GTF2A2: variants seen among roughly 807,000 people sequenced by gnomAD.
GTF2A2 encodes transcription initiation factor IIA subunit 2.
A neutral mutation model predicts 14.3 loss-of-function variants in GTF2A2; 9 were observed. The observed-to-expected ratio is 0.63, with a 90% confidence interval of 0.38 to 1.10. GTF2A2 has a LOEUF of 1.10. Among genes scored for constraint, GTF2A2 ranks in the 50% least tolerant of loss-of-function variants. The probability of loss-of-function intolerance (pLI) is 0.01; values close to 1 mark genes in which losing one functional copy is unlikely to be tolerated. For missense variants in GTF2A2, 90 were observed against 124.6 expected (o/e 0.72, Z 1.32); for synonymous variants, 56 against 46.0 (o/e 1.22, Z -0.88).
At position 59,642,184 on chromosome 15, in the gene GTF2A2, C is replaced by A; in HGVS notation, c.256G>T (p.Glu86Ter). The A allele has an allele frequency of 6.2e-7, 1 of 1,610,424 alleles. No individual in the cohort carries two copies. The highest frequency in any genetic ancestry group is 1.7e-5 in the Admixed American group (1 of 59,552). Reference sequence around the variant, plus strand: ...TTCACTTTATCCACTTTAATAAGTTCTGTCACCTCTCTGAATTCAACATCA... The same window carrying A: ...TTCACTTTATCCACTTTAATAAGTTATGTCACCTCTCTGAATTCAACATCA... ...LNDVEFREVT[E>*]LIKVDKVKIV... The change falls in exon 4 of 5, where the codon GAA becomes TAA. Residue 86 changes from glutamate to a stop codon, truncating the protein, a stop_gained. Coordinates refer to ENST00000396060, the MANE Select transcript of GTF2A2 (RefSeq NM_004492.3). LOFTEE classifies it high-confidence loss of function.
At chr15:59,639,439 T>TC (rs1405298808) in intron 4 of GTF2A2, among the ~76,000 whole-genome samples, 1 of 149,742 alleles carries the variant, frequency 6.7e-6, no homozygotes, top group African/African-American at 2.5e-5. Context: ...TAACCTTTCT[T>TC]CCCCCAGGTC....
intron 4 of GTF2A2, 74 bp from the exon 5 acceptor site, chr15:59,639,231 A>C (rs910576491): frequency 5.8e-6 from 5 of 865,812 alleles, no homozygotes; most frequent in Non-Finnish European, 7.9e-6. Flanking sequence ...CTATTTTAAG[A>C]CTATCAAAAA....
chr15:59,644,392 G>T (rs1891535080), intron 3 of GTF2A2: 1 of 152,166 alleles, frequency 6.6e-6, no homozygotes, highest in Non-Finnish European at 1.5e-5. Context: ...GCAAAAATGG[G>T]ATTCATTCTA....
At position 59,638,470 on chromosome 15, in the gene GTF2A2, A is replaced by G. The variant is rs1891256854; in HGVS notation, c.*662T>C. 2 of 152,138 alleles carry G rather than the reference A, an allele frequency of 1.3e-5. No individual in the cohort carries two copies. The highest frequency in any genetic ancestry group is 2.9e-5 in the Non-Finnish European group (2 of 68,090). 9.4% of individuals were successfully genotyped at this position (152,138 alleles called of 1,614,324 possible). A position where few individuals can be genotyped will look rare whatever the true frequency, so the allele number is the denominator to read the frequency against. ...TAAAATGTATGAACTTTGGATCAAT[A>G]TGGCAAGCTGAAGACACCTGTCATG... On this transcript the variant is annotated 3_prime_UTR_variant, in exon 5 of 5. Transcript: ENST00000396060.
Position 59,638,908 on chromosome 15 carries a change from GGCAACAACTTTTGTCCT to G in GTF2A2, c.*207_*223del. On this transcript the variant is annotated 3_prime_UTR_variant, in exon 5 of 5. Transcript: ENST00000396060. Reference sequence around the variant, plus strand: ...GTTTATTAAAGAAGGTTCTTAGGAAGGCAACAACTTTTGTCCTTAAAAAAAAGTTATGGTTTTTCATG... The same window carrying G: ...GTTTATTAAAGAAGGTTCTTAGGAAGTAAAAAAAAGTTATGGTTTTTCATG... 2.2e-6 allele frequency: 1 copy of G among 456,148 alleles called. No individual in the cohort carries two copies. Among genetic ancestry groups the G allele is most frequent in the Non-Finnish European group, 4.0e-6 (1 of 251,858 alleles). The allele number at this position is 456,148 out of a possible 1,614,324, so 28.3% of individuals were successfully genotyped here. A position where few individuals can be genotyped will look rare whatever the true frequency, so the allele number is the denominator to read the frequency against.
intron 3 of GTF2A2, 76 bp from the exon 4 acceptor site, chr15:59,642,338 T>C: frequency 7.8e-7 from 1 of 1,281,604 alleles, no homozygotes; most frequent in East Asian, 2.6e-5. Context: ...ATTTAAGAGA[T>C]CTTAGCTACC....
intron 1 of GTF2A2, among the ~76,000 whole-genome samples, chr15:59,656,569 T>C (rs1891948702): frequency 6.6e-6 from 1 of 152,082 alleles, no homozygotes. Context: ...GAACAGTACC[T>C]GGCACACAAT....
chr15:59,640,442 C>T (rs951412302), intron 4 of GTF2A2, among the ~76,000 whole-genome samples: 9 of 152,208 alleles, frequency 5.9e-5, no homozygotes, highest in Non-Finnish European at 2.9e-5. Context: ...GAAACTGACA[C>T]TCTACTAGTC....
At chr15:59,639,285 A>T in intron 4 of GTF2A2, 128 bp from the exon 5 acceptor site, 1 of 690,258 alleles carries the variant, frequency 1.4e-6, no homozygotes, top group Non-Finnish European at 2.7e-6. Context: ...CAGGGTGGGG[A>T]AGAACAGGAG....
chr15:59,646,160 G>A (rs912569766), intron 3 of GTF2A2, among the ~76,000 whole-genome samples: 5 of 152,064 alleles, frequency 3.3e-5, no homozygotes, highest in Non-Finnish European at 7.4e-5. Context: ...GGGTTCAAGT[G>A]ATTCTCCTGC....
intron 3 of GTF2A2, among the ~76,000 whole-genome samples, chr15:59,645,222 G>A (rs1034995020): frequency 4.6e-5 from 7 of 152,160 alleles, no homozygotes; most frequent in African/African-American, 1.7e-4. Context: ...TGAATTTCAG[G>A]TATATCTAAG....
intron 4 of GTF2A2, among the ~76,000 whole-genome samples, chr15:59,640,745 C>G (rs769992332): frequency 3.3e-5 from 5 of 152,044 alleles, no homozygotes; most frequent in Admixed American, 6.6e-5. Flanking sequence ...TACGAGGATG[C>G]TGTTACCTTA....
At chr15:59,652,362 T>A (rs757512686) in intron 1 of GTF2A2, 36 bp from the exon 2 acceptor site, 1 of 707,124 alleles carries the variant, frequency 1.4e-6, no homozygotes, top group Non-Finnish European at 2.4e-6. Flanking sequence ...AAAAAGATCA[T>A]ACTGTAACAT....
rs531130873 is a variant in GTF2A2 at position 59,646,013 on chromosome 15, G to C, written c.178-3751C>G. Among the ~76,000 whole-genome samples the C allele has an allele frequency of 3.2e-4, 46 of 145,262 alleles. No individual in the cohort carries two copies. The East Asian group carries it at 9.3e-3, about 29-fold the overall frequency. ...CACACCATTGCACTCCAGCTTGAGTGACAGAGTAAGGCTCCGCCTTAAAAA... is the reference window on the plus strand; with the variant it reads ...CACACCATTGCACTCCAGCTTGAGTCACAGAGTAAGGCTCCGCCTTAAAAA... On this transcript the variant is annotated intron_variant, in intron 3 of 4. Coordinates refer to ENST00000396060, the MANE Select transcript of GTF2A2 (RefSeq NM_004492.3).
At chr15:59,646,655 C>T (rs1891617846) in intron 3 of GTF2A2, among the ~76,000 whole-genome samples, 1 of 152,112 alleles carries the variant, frequency 6.6e-6, no homozygotes, top group South Asian at 2.1e-4. Context: ...AATGTATATG[C>T]TTCATTTATT....
At chr15:59,656,077 C>A (rs1008584303) in intron 1 of GTF2A2, among the ~76,000 whole-genome samples, 1 of 152,134 alleles carries the variant, frequency 6.6e-6, no homozygotes, top group East Asian at 1.9e-4. Context: ...ACATACCTCT[C>A]CTCTATTCAA....
intron 2 of GTF2A2, chr15:59,651,168 A>G (rs12441240): frequency 0.65 from 99,313 of 152,058 alleles, 32,791 homozygotes; most frequent in African/African-American, 0.73. Flanking sequence ...AATACTTAAT[A>G]TGTTTTTTTT....
intron 4 of GTF2A2, among the ~76,000 whole-genome samples, chr15:59,641,481 A>G (rs991873852): frequency 2.0e-5 from 3 of 152,208 alleles, no homozygotes; most frequent in Non-Finnish European, 4.4e-5. Flanking sequence ...GTCAAAGAGC[A>G]GCAGTCTTTT....
intron 3 of GTF2A2, among the ~76,000 whole-genome samples, chr15:59,644,852 G>T (rs1393494827): frequency 2.6e-5 from 4 of 152,182 alleles, no homozygotes; most frequent in Admixed American, 2.6e-4. Context: ...CCATCCTAAC[G>T]GTACTGGGAA....
Sources: allele counts gnomAD v4.1 joint callset (sites outside exome capture counted in the v4.1 genomes callset), GRCh38; gene constraint gnomAD v4.1.1; transcripts MANE v1.5; gene names NCBI Gene and HGNC (gene_info 2026-07-23, HGNC 2026-07-21).